Variants in KLHL29 observed in about 807,000 individuals in gnomAD.
KLHL29 encodes kelch like family member 29.
In KLHL29, 21 loss-of-function variants were observed where a neutral mutation model predicts 80.4. That is an observed-to-expected ratio of 0.26 (90% confidence interval 0.19 to 0.38). The LOEUF is 0.38. Ranked by LOEUF, KLHL29 falls within the 10% of genes least tolerant of loss-of-function variation. The pLI is 1.00. For missense variants in KLHL29, 867 were observed against 1,223.9 expected (o/e 0.71, Z 4.35); for synonymous variants, 511 against 526.8 (o/e 0.97, Z 0.41).
chr2:23,628,384 G>A (rs573809461), intron 3 of KLHL29, among the ~76,000 whole-genome samples: 1 of 152,136 alleles, frequency 6.6e-6, no homozygotes, highest in Non-Finnish European at 1.5e-5. Context: ...AAGGCCATAG[G>A]GGGCAGAGGG....
intron 3 of KLHL29, among the ~76,000 whole-genome samples, chr2:23,605,967 G>A (rs1434742794): frequency 6.6e-6 from 1 of 151,974 alleles, no homozygotes; most frequent in African/African-American, 2.4e-5. Flanking sequence ...ATGGGGTTTT[G>A]CCATGTTGGC....
rs181780664 is a variant in KLHL29, at chr2:23,421,820, A to G, written c.-154+36040A>G. Among the ~76,000 whole-genome samples the G allele has an allele frequency of 5.6e-3, 836 of 149,330 alleles. 4 individuals are homozygous for G. The highest frequency in any genetic ancestry group is 0.018 in the African/African-American group (717 of 40,442). ...TGTGTGTGTCCATTTGTCTGTGTGT[A>G]TGTACATCTCTGGCTCCAAAGACCA... On this transcript the variant is annotated intron_variant, in intron 1 of 13. Coordinates refer to ENST00000486442, the MANE Select transcript of KLHL29 (RefSeq NM_052920.2).
chr2:23,618,856 G>A (rs767687492), intron 3 of KLHL29, among the ~76,000 whole-genome samples: 1 of 152,156 alleles, frequency 6.6e-6, no homozygotes, highest in African/African-American at 2.4e-5. Flanking sequence ...GAGAAGAAAG[G>A]GTGACTGAAT....
intron 2 of KLHL29, among the ~76,000 whole-genome samples, chr2:23,525,971 A>C (rs933543406): frequency 6.6e-6 from 1 of 152,202 alleles, no homozygotes; most frequent in Non-Finnish European, 1.5e-5. Flanking sequence ...GGCCATGGCA[A>C]GTCACGTCCC....
rs947552713 is a variant in KLHL29, at chr2:23,695,281, C to T, written c.1543-342C>T. 2.6e-5 allele frequency among the ~76,000 whole-genome samples: 4 copies of T among 152,162 alleles called. No homozygotes were observed. Among genetic ancestry groups the T allele is most frequent in the Non-Finnish European group, 2.9e-5 (2 of 68,028 alleles). ...TCGCGTCTTCCTCATTTTAACCCCT[C>T]GCCCCTGCCCCCAGTGGCCTGATCT... On this transcript the variant is annotated intron_variant, in intron 8 of 13. Transcript: ENST00000486442. This position sits in a 1 kb window ranked among gnomAD's most constrained non-coding sequence, Gnocchi z 7.6.
At chr2:23,504,113 A>G (rs1034624008) in intron 2 of KLHL29, among the ~76,000 whole-genome samples, 2 of 152,194 alleles carry the variant, frequency 1.3e-5, no homozygotes, top group African/African-American at 2.4e-5. Context: ...CTTGAGAGCA[A>G]TCCCAGGTCA....
At chr2:23,550,300 A>G (rs1355917249) in intron 2 of KLHL29, among the ~76,000 whole-genome samples, 2 of 152,056 alleles carry the variant, frequency 1.3e-5, no homozygotes, top group Non-Finnish European at 2.9e-5. Context: ...TGACTCATGG[A>G]GTGGAGCGCC....
chr2:23,520,163 A>T (rs929176732), intron 2 of KLHL29, among the ~76,000 whole-genome samples: 10 of 152,116 alleles, frequency 6.6e-5, no homozygotes, highest in Admixed American at 4.6e-4. Flanking sequence ...GTGGTCAGTG[A>T]CCACCCCAGG....
At chr2:23,422,565 G>A (rs969930794) in intron 1 of KLHL29, among the ~76,000 whole-genome samples, 3 of 151,606 alleles carry the variant, frequency 2.0e-5, no homozygotes, top group Admixed American at 1.3e-4. Flanking sequence ...GTGTGCCTGT[G>A]TATGTGTCCC....
At chr2:23,396,744 G>A (rs532496668) in intron 1 of KLHL29, among the ~76,000 whole-genome samples, 11 of 152,232 alleles carry the variant, frequency 7.2e-5, no homozygotes, top group African/African-American at 1.9e-4. Flanking sequence ...CCGAAGCCTC[G>A]ATTTGCCAAA....
Position 23,620,786 on chromosome 2 carries a change from C to T in KLHL29, c.286-18353C>T, listed in dbSNP as rs73919792. Reference sequence around the variant, plus strand: ...GTGGGAGAGGGAGGCAGGAGAAGAACGTTCCAGAACCCGGATAAACATCAT... The same window carrying T: ...GTGGGAGAGGGAGGCAGGAGAAGAATGTTCCAGAACCCGGATAAACATCAT... On this transcript the variant is annotated intron_variant, in intron 3 of 13. Transcript: ENST00000486442. Among the ~76,000 whole-genome samples, 599 of 152,302 alleles carry T rather than the reference C, an allele frequency of 3.9e-3. 2 individuals are homozygous for T. The highest frequency in any genetic ancestry group is 0.014 in the African/African-American group (566 of 41,566).
intron 1 of KLHL29, among the ~76,000 whole-genome samples, chr2:23,465,516 GT>G (rs1454578073): frequency 6.6e-6 from 1 of 152,156 alleles, no homozygotes; most frequent in Admixed American, 6.5e-5. Flanking sequence ...ACAATTTCAG[GT>G]GCACTCTGCA....
At chr2:23,482,642 C>T (rs979237740) in intron 2 of KLHL29, among the ~76,000 whole-genome samples, 1 of 152,230 alleles carries the variant, frequency 6.6e-6, no homozygotes, top group African/African-American at 2.4e-5. Context: ...CTCATTTACT[C>T]ATACTCAGAG....
intron 3 of KLHL29, among the ~76,000 whole-genome samples, chr2:23,631,449 G>A (rs1050426712): frequency 6.6e-6 from 1 of 152,168 alleles, no homozygotes; most frequent in Non-Finnish European, 1.5e-5. Flanking sequence ...TCCGGCATGC[G>A]AGCCAGAAGT....
Position 23,499,580 on chromosome 2 carries a change from T to C in KLHL29, c.-46+23913T>C, listed in dbSNP as rs1198992990. 4.0e-5 allele frequency among the ~76,000 whole-genome samples: 6 copies of C among 151,798 alleles called. No individual in the cohort carries two copies. In the South Asian group the frequency reaches 1.0e-3, roughly 27 times the overall value. ...ATTTCAGCAATTGCACTTCTCAGAG[T>C]TGGGCAATGAGGCTAAGGAGAAAAG... On this transcript the variant is annotated intron_variant, in intron 2 of 13. Transcript: ENST00000486442.
chr2:23,601,624 C>G (rs1161605837), intron 3 of KLHL29, among the ~76,000 whole-genome samples: 1 of 152,180 alleles, frequency 6.6e-6, no homozygotes, highest in Non-Finnish European at 1.5e-5. Flanking sequence ...TTCTAGATTG[C>G]AAACATCAAC....
intron 1 of KLHL29, among the ~76,000 whole-genome samples, chr2:23,401,031 C>T (rs1666587382): frequency 6.6e-6 from 1 of 152,214 alleles, no homozygotes; most frequent in Non-Finnish European, 1.5e-5. Context: ...GAGGGTAATT[C>T]CTGCCTTCCA....
At chr2:23,525,733 C>CCT (rs1553335083) in intron 2 of KLHL29, among the ~76,000 whole-genome samples, 2 of 129,474 alleles carry the variant, frequency 1.5e-5, no homozygotes, top group East Asian at 2.4e-4. Context: ...CCTGCCCCCC[C>CCT]CCCCCACCCG....
intron 2 of KLHL29, among the ~76,000 whole-genome samples, chr2:23,543,507 T>C (rs1666900981): frequency 1.3e-5 from 2 of 152,236 alleles, no homozygotes; most frequent in East Asian, 1.9e-4. Context: ...TTGAGGTTTA[T>C]GCAAATAGCA....
Sources: gnomAD v4.1 joint callset for allele counts (sites outside exome capture counted in the v4.1 genomes callset) on GRCh38, gnomAD v4.1.1 for gene constraint, Gnocchi (gnomAD v3.1) non-coding constraint, MANE v1.5 for transcripts, NCBI Gene and HGNC (gene_info 2026-07-23, HGNC 2026-07-21) for gene names.